ROS1: variants seen among roughly 807,000 people sequenced by gnomAD.
ROS1 encodes the protein proto-oncogene tyrosine-protein kinase ROS.
In ROS1, 263 loss-of-function variants were observed where a neutral mutation model predicts 273.5. The ratio of observed to expected loss-of-function variants is 0.96; its 90% CI spans 0.87 to 1.06. The LOEUF (loss-of-function observed/expected upper bound fraction) is 1.06. Ranked by LOEUF, ROS1 falls within the 50% of genes least tolerant of loss-of-function variation. The pLI is 0.00. For synonymous variants in ROS1, 1,008 were observed against 954.1 expected (o/e 1.06, Z -1.04); for missense variants, 2,833 against 2,751.1 (o/e 1.03, Z -0.67).
Position 117,393,319 on chromosome 6 carries a change from T to C in ROS1, c.1194A>G (p.Val398=), listed in dbSNP as rs1299887315. 34 of 1,593,736 alleles carry C rather than the reference T, an allele frequency of 2.1e-5. No individual in the cohort carries two copies. In the Admixed American group the frequency reaches 5.5e-4, roughly 26 times the overall value. ...AGCAGTTCTCTAAATCACAGACACA[T>C]ACCTAAAAAAATAAAAAATATACCG... The part of the protein sequence containing the change: ...QRMYFIMDEL[V]CVCDLENCSN... Residue 398 remains valine (V), a splice_region_variant and synonymous_variant, in exon 12 of 44, where the codon GTA becomes GTG. Coordinates refer to ENST00000368507, the MANE Select transcript of ROS1 (RefSeq NM_001378902.1).
At chr6:117,400,809 C>T (rs185335738) in intron 7 of ROS1, among the ~76,000 whole-genome samples, 1 of 152,292 alleles carries the variant, frequency 6.6e-6, no homozygotes, top group Admixed American at 6.5e-5. Context: ...AGCATATTGC[C>T]TCCAGGCCCA....
At chr6:117,318,543 C>T (rs944444582) in intron 37 of ROS1, among the ~76,000 whole-genome samples, 3 of 152,094 alleles carry the variant, frequency 2.0e-5, no homozygotes, top group Non-Finnish European at 4.4e-5. Flanking sequence ...TCTTAATTTT[C>T]AAAATTTTCT....
rs142442666 is a variant in ROS1 at position 117,360,383 on chromosome 6, C to G, written c.3389G>C (p.Gly1130Ala). Residue 1130 changes from glycine to alanine, a missense_variant, in exon 23 of 44, where the codon GGG (glycine) becomes GCG (alanine). Coordinates refer to ENST00000368507, the MANE Select transcript of ROS1 (RefSeq NM_001378902.1). ...TACAACGTCAGCATATGGTCCTGGC[C>G]CCTTAGATGTAAAGGCCCTAACCTA... ...AFQVRAFTSK[G>A]PGPYADVVKS... 1.2e-6 allele frequency: 2 copies of G among 1,613,146 alleles called. No individual in the cohort carries two copies.
At chr6:117,329,184 AACGT>A in intron 33 of ROS1, 141 bp downstream of exon 33, 1 of 602,818 alleles carries the variant, frequency 1.7e-6, no homozygotes, top group South Asian at 2.1e-5. Context: ...TTGAGCAAAG[AACGT>A]AATGATGCAT....
Position 117,287,388 on chromosome 6 carries a change from C to T in ROS1, c.*1104G>A, listed in dbSNP as rs1773517700. ...ATAATCATTTATATTTAATTTTAAG[C>T]ATAATTTGATACAAAATGTAATCTT... On this transcript the variant is annotated 3_prime_UTR_variant, in exon 44 of 44. Coordinates refer to ENST00000368507, the MANE Select transcript of ROS1 (RefSeq NM_001378902.1). Among the ~76,000 whole-genome samples the T allele has an allele frequency of 6.6e-6, 1 of 152,022 alleles. No individual in the cohort carries two copies. The highest frequency in any genetic ancestry group is 2.4e-5 in the African/African-American group (1 of 41,380).
chr6:117,423,777 G>T (rs1388603222), intron 1 of ROS1, among the ~76,000 whole-genome samples: 1 of 151,680 alleles, frequency 6.6e-6, no homozygotes, highest in African/African-American at 2.4e-5. Context: ...CAGAGTAAAT[G>T]TCCATGTTTT....
chr6:117,416,330 A>G lies in ROS1; in HGVS notation c.169-13T>C, dbSNP rs139296861. On this transcript the variant is annotated splice_polypyrimidine_tract_variant and intron_variant, in intron 2 of 43. Transcript: ENST00000368507. Reference sequence around the variant, plus strand: ...ATCCTTGGATACACTGCAAGAGACAATAACAGACAATGGTGAGTGATTGAA... The same window carrying G: ...ATCCTTGGATACACTGCAAGAGACAGTAACAGACAATGGTGAGTGATTGAA... 4.7e-4 allele frequency: 734 copies of G among 1,563,546 alleles called. 2 individuals carry two copies. In the African/African-American group the frequency reaches 9.1e-3, roughly 19 times the overall value.
rs1775437042 is a variant in ROS1, at chr6:117,310,259, G to C, written c.6238C>G (p.Leu2080Val). The change falls in exon 41 of 44, where the codon CTT becomes GTT. Residue 2080 changes from leucine (L) to valine (V), a missense_variant. Transcript: ENST00000368507. Reference sequence around the variant, plus strand: ...CTGGTATAGTCTTTCACGGAAACAAGGCAATTTCTAGCTGCCAGATCCCTG... The same window carrying C: ...CTGGTATAGTCTTTCACGGAAACAACGCAATTTCTAGCTGCCAGATCCCTG... ...IHRDLAARNC[L>V]VSVKDYTSPR... The C allele has an allele frequency of 6.2e-7, 1 of 1,609,250 alleles. No individual in the cohort carries two copies. The highest frequency in any genetic ancestry group is 8.5e-7 in the Non-Finnish European group (1 of 1,177,514).
rs968372841 is a variant in ROS1 at position 117,404,505 on chromosome 6, G to C, written c.317-77C>G. 9.9e-5 allele frequency: 134 copies of C among 1,353,842 alleles called. No homozygotes were observed. The African/African-American group carries it at 1.5e-3, about 15-fold the overall frequency. The allele number at this position is 1,353,842 out of a possible 1,614,324, so 83.9% of individuals were successfully genotyped here. A position where few individuals can be genotyped will look rare whatever the true frequency, so the allele number is the denominator to read the frequency against. On this transcript the variant is annotated intron_variant, in intron 5 of 43. Coordinates refer to ENST00000368507, the MANE Select transcript of ROS1 (RefSeq NM_001378902.1). ...AGAGAGTGTGTGCCTCTCTCATCTA[G>C]GGCTCTCCGTATTCTCTTGCTAAAA...
At chr6:117,326,091 T>TTATATATATATATATATA (rs56113300) in intron 34 of ROS1, 133 bp downstream of exon 34, 1 of 143,078 alleles carries the variant, frequency 7.0e-6, no homozygotes, top group East Asian at 1.4e-4. Flanking sequence ...GATAATAAGA[T>TTATATATATATATATATA]TATATATATA....
chr6:117,299,801 A>G (rs1054023533), intron 43 of ROS1, among the ~76,000 whole-genome samples: 2 of 152,264 alleles, frequency 1.3e-5, no homozygotes, highest in African/African-American at 4.8e-5. Context: ...CCAATTAGGC[A>G]TACATAACAG....
Position 117,385,848 on chromosome 6 carries a change from A to T in ROS1, c.2124T>A (p.Tyr708Ter). 1 of 1,613,970 alleles carries T rather than the reference A, an allele frequency of 6.2e-7. No homozygotes were observed. Among genetic ancestry groups the T allele is most frequent in the Non-Finnish European group, 8.5e-7 (1 of 1,179,894 alleles). ...DIGNVSDMDW[Y>*]NNSLYYSDTK... ...TGTCACTGTAGTAGAGGCTGTTGTTATACCAATCCATGTCTCAAAATAAAG... is the reference window on the plus strand; with the variant it reads ...TGTCACTGTAGTAGAGGCTGTTGTTTTACCAATCCATGTCTCAAAATAAAG... Residue 708 changes from tyrosine to a stop codon, truncating the protein, a stop_gained, in exon 16 of 44, where the codon TAT (tyrosine) becomes TAA (stop). Transcript: ENST00000368507. LOFTEE classifies it high-confidence loss of function.
At position 117,361,222 on chromosome 6, in the gene ROS1, T is replaced by C. The variant is rs575970746; in HGVS notation, c.3367-817A>G. Among the ~76,000 whole-genome samples, 8 of 152,180 alleles carry C rather than the reference T, an allele frequency of 5.3e-5. No homozygotes were observed. The East Asian group carries it at 1.2e-3, about 22-fold the overall frequency. On this transcript the variant is annotated intron_variant, in intron 22 of 43. Coordinates refer to ENST00000368507, the MANE Select transcript of ROS1 (RefSeq NM_001378902.1). ...TTTTTTTCTTAGATATTTTCTATTATGTAATAAATTATTTCCATTTCCAAA... is the reference window on the plus strand; with the variant it reads ...TTTTTTTCTTAGATATTTTCTATTACGTAATAAATTATTTCCATTTCCAAA...
At chr6:117,320,136 G>C (rs2128559548) in intron 36 of ROS1, 106 bp from the exon 37 acceptor site, 1 of 970,032 alleles carries the variant, frequency 1.0e-6, no homozygotes, top group Non-Finnish European at 1.5e-6. Context: ...AATATCTCAT[G>C]GCTTTGCAGT....
chr6:117,357,617 A>C (rs535748721), intron 25 of ROS1, among the ~76,000 whole-genome samples, 187 bp downstream of exon 25: 15 of 152,360 alleles, frequency 9.8e-5, no homozygotes, highest in African/African-American at 3.6e-4. Flanking sequence ...AGTATGCATT[A>C]AGTTTACATA....
chr6:117,388,044 C>A, intron 13 of ROS1, 52 bp from the exon 14 acceptor site: 1 of 1,609,328 alleles, frequency 6.2e-7, no homozygotes, highest in Non-Finnish European at 8.5e-7. Flanking sequence ...TCTGCAAGGG[C>A]AAACCAAGGA....
At chr6:117,423,702 C>CTTTT (rs564177817) in intron 1 of ROS1, among the ~76,000 whole-genome samples, 2,748 of 147,308 alleles carry the variant, frequency 0.019, 79 homozygotes, top group African/African-American at 0.064. Context: ...CTTGTGGTGA[C>CTTTT]TTTTTTTTTT....
chr6:117,368,779 T>G (rs1757527164), intron 18 of ROS1, among the ~76,000 whole-genome samples: 1 of 148,662 alleles, frequency 6.7e-6, no homozygotes, highest in South Asian at 2.1e-4. Flanking sequence ...TAAATACAGA[T>G]CAAATATTTT....
intron 18 of ROS1, among the ~76,000 whole-genome samples, chr6:117,367,003 A>G (rs1289933063): frequency 6.6e-6 from 1 of 152,220 alleles, no homozygotes; most frequent in Non-Finnish European, 1.5e-5. Flanking sequence ...CATTAGCATA[A>G]GAAAGACATG....
Sources: allele counts gnomAD v4.1 joint callset (sites outside exome capture counted in the v4.1 genomes callset), GRCh38; gene constraint gnomAD v4.1.1; transcripts MANE v1.5; gene names NCBI Gene and HGNC (gene_info 2026-07-23, HGNC 2026-07-21).